The following STK3 variants were observed in gnomAD, a reference collection of about 807,000 sequenced individuals.
STK3 encodes serine/threonine-protein kinase 3.
Under a neutral mutation model 58.0 loss-of-function variants are expected in STK3, and 41 were observed. That is an observed-to-expected ratio of 0.71 (90% CI 0.55 to 0.92). The LOEUF is 0.92. STK3 is among the 40% of genes least tolerant of loss of function. The probability of loss-of-function intolerance (pLI) is 0.00; values close to 1 mark genes in which losing one functional copy is unlikely to be tolerated. For synonymous variants in STK3, 170 were observed against 191.0 expected (o/e 0.89, Z 0.91); for missense variants, 479 against 602.7 (o/e 0.79, Z 2.15).
chr8:98,610,255 T>C (rs1817089054), intron 6 of STK3, among the ~76,000 whole-genome samples: 2 of 152,218 alleles, frequency 1.3e-5, no homozygotes, highest in African/African-American at 2.4e-5. Context: ...AAAAGATTCA[T>C]GTAATGTAAC....
intron 4 of STK3, among the ~76,000 whole-genome samples, chr8:98,710,602 C>G (rs567920546): frequency 1.4e-4 from 22 of 152,360 alleles, no homozygotes; most frequent in Admixed American, 7.8e-4. Context: ...GGAGGGGCGC[C>G]TGCCATTGCC....
At chr8:98,434,720 G>A (rs1187727620) in intron 2 of STK3, among the ~76,000 whole-genome samples, 1 of 152,176 alleles carries the variant, frequency 6.6e-6, no homozygotes, top group African/African-American at 2.4e-5. Context: ...TACAAGAGAA[G>A]GGGAGAAGAA....
At chr8:98,918,042 A>G (rs1839407459) in intron 1 of STK3, among the ~76,000 whole-genome samples, 1 of 152,218 alleles carries the variant, frequency 6.6e-6, no homozygotes, top group Non-Finnish European at 1.5e-5. Context: ...TGTATGTATT[A>G]TCTCATTCAG....
intron 4 of STK3, among the ~76,000 whole-genome samples, chr8:98,740,983 CAA>C (rs1349677119): frequency 7.9e-5 from 12 of 152,026 alleles, no homozygotes; most frequent in Non-Finnish European, 7.4e-5. Context: ...CAACAAAGAT[CAA>C]AAGAGACAAA....
At chr8:98,410,581 T>G (rs1296927012) in intron 3 of STK3, among the ~76,000 whole-genome samples, 8 of 152,298 alleles carry the variant, frequency 5.3e-5, no homozygotes, top group African/African-American at 1.9e-4. Context: ...AAGAAATAGA[T>G]GAATAACCAA....
At chr8:98,461,436 C>T (rs1343524809) in intron 10 of STK3, among the ~76,000 whole-genome samples, 1 of 152,150 alleles carries the variant, frequency 6.6e-6, no homozygotes, top group Non-Finnish European at 1.5e-5. Flanking sequence ...TTTATCAATT[C>T]TGCCAACCAG....
At chr8:98,459,193 C>G (rs993605599) in intron 10 of STK3, among the ~76,000 whole-genome samples, 1 of 152,236 alleles carries the variant, frequency 6.6e-6, no homozygotes, top group East Asian at 1.9e-4. Context: ...TCACTGGCAA[C>G]TGGAGCAAAG....
At chr8:98,804,485 T>C (rs879866413) in intron 1 of STK3, among the ~76,000 whole-genome samples, 4 of 152,250 alleles carry the variant, frequency 2.6e-5, no homozygotes, top group Non-Finnish European at 4.4e-5. Context: ...TCTCTCATTA[T>C]TAGGATGCTA....
chr8:98,783,389 C>T (rs1418816331), intron 1 of STK3, among the ~76,000 whole-genome samples: 1 of 152,078 alleles, frequency 6.6e-6, no homozygotes, highest in Non-Finnish European at 1.5e-5. Context: ...ATCTCATGTA[C>T]CCAATATATA....
At chr8:98,476,487 C>G (rs1281419336) in intron 10 of STK3, among the ~76,000 whole-genome samples, 1 of 152,182 alleles carries the variant, frequency 6.6e-6, no homozygotes, top group Non-Finnish European at 1.5e-5. Flanking sequence ...CTGCGGCCCC[C>G]TGAAAAGCAG....
intron 4 of STK3, among the ~76,000 whole-genome samples, chr8:98,734,616 C>G (rs947296874): frequency 2.6e-5 from 4 of 152,140 alleles, no homozygotes; most frequent in Admixed American, 2.6e-4. Context: ...AATCAAAAAT[C>G]TAACCTATCT....
At chr8:98,912,932 A>G (rs1587839663) in intron 1 of STK3, among the ~76,000 whole-genome samples, 1 of 152,082 alleles carries the variant, frequency 6.6e-6, no homozygotes, top group Non-Finnish European at 1.5e-5. Context: ...TGTTTGAGAC[A>G]GGGTCTCACT....
intron 1 of STK3, among the ~76,000 whole-genome samples, chr8:98,925,905 A>G (rs16897128): frequency 0.08 from 12,110 of 152,258 alleles, 534 homozygotes; most frequent in South Asian, 0.1. Context: ...GACCACATAA[A>G]TCACAGGCTA....
chr8:98,468,425 G>C (rs1206223700), intron 10 of STK3, among the ~76,000 whole-genome samples: 1 of 152,032 alleles, frequency 6.6e-6, no homozygotes, highest in Non-Finnish European at 1.5e-5. Flanking sequence ...TATTTGTAAG[G>C]ACACAAGAAA....
intron 1 of STK3, among the ~76,000 whole-genome samples, chr8:98,904,004 CT>C (rs1005213863): frequency 1.2e-4 from 18 of 151,768 alleles, no homozygotes; most frequent in African/African-American, 2.9e-4. Flanking sequence ...TCTTTTTTTT[CT>C]TAAGTGTTAG....
At chr8:98,540,920 T>TCA (rs1271579952) in intron 9 of STK3, among the ~76,000 whole-genome samples, 1 of 152,226 alleles carries the variant, frequency 6.6e-6, no homozygotes, top group Non-Finnish European at 1.5e-5. Flanking sequence ...GTCACCAGTT[T>TCA]CACAGGTACT....
At chr8:98,464,667 A>G (rs1415943473) in intron 10 of STK3, among the ~76,000 whole-genome samples, 2 of 152,050 alleles carry the variant, frequency 1.3e-5, no homozygotes, top group Non-Finnish European at 2.9e-5. Flanking sequence ...GGAGCATTCT[A>G]GTCAATCCAA....
rs542561629 is a variant in STK3 at position 98,402,907 on chromosome 8, C to T, written n.484-1394G>A. On this transcript the variant is annotated intron_variant and non_coding_transcript_variant, in intron 3 of 3. Transcript: ENST00000517832. ...TTCCAGAGAAACCCTGGGTGAGAGG[C>T]TGAGAGAGGAGACCCCACAATGGGG... Among the ~76,000 whole-genome samples, 10 of 152,312 alleles carry T rather than the reference C, an allele frequency of 6.6e-5. 1 individual carries two copies. Among genetic ancestry groups the T allele is most frequent in the East Asian group, 1.9e-4 (1 of 5,186 alleles).
chr8:98,751,107 A>G (rs1348986671), intron 3 of STK3, among the ~76,000 whole-genome samples: 1 of 152,214 alleles, frequency 6.6e-6, no homozygotes, highest in Admixed American at 6.5e-5. Flanking sequence ...ATACCTCAAA[A>G]TAATAAGAGC....
Sources: allele counts gnomAD v4.1 joint callset (sites outside exome capture counted in the v4.1 genomes callset), GRCh38; gene constraint gnomAD v4.1.1; transcripts MANE v1.5; gene names NCBI Gene and HGNC (gene_info 2026-07-23, HGNC 2026-07-21).